Variants in ZSCAN5A observed in about 807,000 individuals in gnomAD.
The protein encoded by ZSCAN5A is zinc finger and SCAN domain containing 5A.
In ZSCAN5A, 12 loss-of-function variants were observed where a neutral mutation model predicts 23.7. The ratio of observed to expected loss-of-function variants is 0.51; its 90% CI spans 0.32 to 0.82. ZSCAN5A has a LOEUF of 0.82. ZSCAN5A is among the 40% of genes least tolerant of loss of function. The pLI, the probability that ZSCAN5A is intolerant of heterozygous loss-of-function variation, is 0.03. For synonymous variants in ZSCAN5A, 257 were observed against 239.9 expected, an observed-to-expected ratio of 1.07 and a Z score of -0.66; for missense variants, 597 against 617.9, an observed-to-expected ratio of 0.97 and a Z score of 0.36.
chr19:56,245,098 T>A (rs1466967454), intron 2 of ZSCAN5A: 2 of 342,798 alleles, frequency 5.8e-6, no homozygotes, highest in Admixed American at 8.6e-5. Flanking sequence ...CAGAGCTGAT[T>A]CTGCATTGGG....
chr19:56,304,965 A>G (rs2040587804), intron 2 of ZSCAN5A: 1 of 200,244 alleles, frequency 5.0e-6, no homozygotes, highest in Non-Finnish European at 8.9e-6. Flanking sequence ...CCAGAATTCC[A>G]TGAGAAGTCC....
At chr19:56,264,600 G>A (rs1308120558) in intron 2 of ZSCAN5A, among the ~76,000 whole-genome samples, 3 of 152,178 alleles carry the variant, frequency 2.0e-5, no homozygotes, top group African/African-American at 7.2e-5. Context: ...TCAGAGGCTG[G>A]CAAACTATAG....
chr19:56,358,914 C>G (rs1263626147), intron 2 of ZSCAN5A, among the ~76,000 whole-genome samples: 3 of 152,154 alleles, frequency 2.0e-5, no homozygotes, highest in African/African-American at 7.2e-5. Context: ...CTCTGGGATG[C>G]AGCTAAAGCA....
chr19:56,337,882 ACAGAT>A (rs1477222258), intron 2 of ZSCAN5A, among the ~76,000 whole-genome samples: 1 of 152,246 alleles, frequency 6.6e-6, no homozygotes, highest in Non-Finnish European at 1.5e-5. Context: ...TTTAGTGATT[ACAGAT>A]TTGTAAGTTT....
At chr19:56,318,718 T>G (rs1450337048), upstream of ZSCAN5A, among the ~76,000 whole-genome samples, 1 of 152,220 alleles carries the variant, frequency 6.6e-6, no homozygotes, top group African/African-American at 2.4e-5. Context: ...AAATGAGTTT[T>G]TTGTTGTGCC....
chr19:56,246,963 C>A (rs554969544), intron 2 of ZSCAN5A: 5 of 1,472,808 alleles, frequency 3.4e-6, no homozygotes, highest in African/African-American at 2.8e-5. Context: ...ACAGCGAATC[C>A]CCAGGAAAAC....
chr19:56,270,295 G>A (rs2037757715), intron 2 of ZSCAN5A, among the ~76,000 whole-genome samples: 1 of 152,170 alleles, frequency 6.6e-6, no homozygotes, highest in South Asian at 2.1e-4. Context: ...GCGCACGCCT[G>A]TAATCCCAGC....
At position 56,358,266 on chromosome 19, in the gene ZSCAN5A, G is replaced by A. The variant is rs560738541; in HGVS notation, c.-358+4969C>T. On this transcript the variant is annotated intron_variant, in intron 2 of 6. Transcript: ENST00000587340. ...CTCTCAAGTAGCTAGGATTACAGGC[G>A]CCCACTACCATACCCGTCTAATTTT... Among the ~76,000 whole-genome samples the A allele has an allele frequency of 2.8e-4, 41 of 148,108 alleles. 5 individuals carry two copies. In the South Asian group the frequency reaches 8.3e-3, roughly 30 times the overall value.
intron 2 of ZSCAN5A, chr19:56,320,183 T>C: frequency 1.5e-6 from 1 of 686,388 alleles, no homozygotes; most frequent in Non-Finnish European, 2.8e-6. Flanking sequence ...TTGTTTCAAG[T>C]TGTTCCTGTT....
rs377340017 is a variant in ZSCAN5A at position 56,222,581 on chromosome 19, T to C, written c.739+10A>G. ...GACTAACCCCTGTGGATCCAAGTCT[T>C]CATACTCACTGGGACTCTTTGGAAG... On this transcript the variant is annotated intron_variant, in intron 5 of 5. Coordinates refer to ENST00000683990, the MANE Select transcript of ZSCAN5A (RefSeq NM_001322064.3). The C allele has an allele frequency of 6.6e-5, 106 of 1,613,708 alleles. No individual in the cohort carries two copies. The highest frequency in any genetic ancestry group is 8.8e-5 in the Non-Finnish European group (104 of 1,179,928).
At chr19:56,223,435 C>T (rs1216698195) in intron 4 of ZSCAN5A, among the ~76,000 whole-genome samples, 196 bp downstream of exon 4, 1 of 152,224 alleles carries the variant, frequency 6.6e-6, no homozygotes, top group Non-Finnish European at 1.5e-5. Flanking sequence ...TAAAAGCTCT[C>T]ATGGTGGAGA....
intron 2 of ZSCAN5A, among the ~76,000 whole-genome samples, chr19:56,324,377 T>A (rs1169668260): frequency 6.6e-6 from 1 of 152,176 alleles, no homozygotes; most frequent in East Asian, 1.9e-4. Flanking sequence ...TCAAGAGGTA[T>A]ATGAAACTCT....
intron 2 of ZSCAN5A, among the ~76,000 whole-genome samples, chr19:56,284,823 TGATA>T (rs1176215311): frequency 6.6e-6 from 1 of 152,102 alleles, no homozygotes; most frequent in East Asian, 1.9e-4. Flanking sequence ...TTGCTATGAT[TGATA>T]GAGGTAGGAA....
chr19:56,314,250 C>T (rs1273958727), intron 1 of ZSCAN5A: 2 of 152,210 alleles, frequency 1.3e-5, no homozygotes, highest in Non-Finnish European at 1.5e-5. Flanking sequence ...CAGCACGAAC[C>T]TGTAATCAAG....
intron 2 of ZSCAN5A, among the ~76,000 whole-genome samples, chr19:56,259,046 G>A (rs962624499): frequency 6.6e-6 from 1 of 152,062 alleles, no homozygotes; most frequent in African/African-American, 2.4e-5. Context: ...CAGCACAGAA[G>A]AGACCCTGAG....
chr19:56,309,376 A>T (rs2040891486), intron 2 of ZSCAN5A, among the ~76,000 whole-genome samples: 1 of 152,240 alleles, frequency 6.6e-6, no homozygotes, highest in Non-Finnish European at 1.5e-5. Flanking sequence ...CTTAGAAGTG[A>T]CAATTGCACA....
At position 56,224,950 on chromosome 19, in the gene ZSCAN5A, G is replaced by GT; in HGVS notation, c.96dup (p.Leu33ThrfsTer9). ...TCAGGGTCCACGTCGTGATTTCCAA[G>GT]TTGAGTTTCTGAGGATGCCATAGAC... On this transcript the variant is annotated frameshift_variant, in exon 3 of 6. Coordinates refer to ENST00000683990, the MANE Select transcript of ZSCAN5A (RefSeq NM_001322064.3). LOFTEE classifies it high-confidence loss of function. The GT allele has an allele frequency of 6.2e-7, 1 of 1,614,206 alleles. No individual in the cohort carries two copies. Among genetic ancestry groups the GT allele is most frequent in the Non-Finnish European group, 8.5e-7 (1 of 1,180,048 alleles).
chr19:56,348,662 C>T lies in ZSCAN5A; in HGVS notation c.-358+14573G>A, dbSNP rs73937242. ...ATAGCTCTCCATGCTCATGCTGGGG[C>T]CATTTAAAAGGAAACACATTTTCTT... On this transcript the variant is annotated intron_variant, in intron 2 of 6. Transcript: ENST00000587340. Among the ~76,000 whole-genome samples the T allele has an allele frequency of 9.4e-3, 1,426 of 152,242 alleles. 26 individuals are homozygous for T. The highest frequency in any genetic ancestry group is 0.032 in the African/African-American group (1,347 of 41,556).
intron 2 of ZSCAN5A, among the ~76,000 whole-genome samples, chr19:56,302,665 T>G (rs1487258144): frequency 8.0e-6 from 1 of 124,932 alleles, no homozygotes; most frequent in African/African-American, 3.1e-5. Context: ...CTCCCTGTTC[T>G]TTCCTTCCTC....
Sources: gnomAD v4.1 joint callset for allele counts (sites outside exome capture counted in the v4.1 genomes callset) on GRCh38, gnomAD v4.1.1 for gene constraint, MANE v1.5 for transcripts, NCBI Gene and HGNC (gene_info 2026-07-23, HGNC 2026-07-21) for gene names.